CDKAL1: variants seen among roughly 807,000 people sequenced by gnomAD.
CDKAL1 encodes threonylcarbamoyladenosine tRNA methylthiotransferase.
A neutral mutation model predicts 68.2 loss-of-function variants in CDKAL1; 32 were observed. That is an observed-to-expected ratio of 0.47 (90% confidence interval 0.35 to 0.63). The LOEUF is 0.63. CDKAL1 is among the 30% of genes least tolerant of loss of function. The pLI, the probability that CDKAL1 is intolerant of heterozygous loss-of-function variation, is 0.00. For synonymous variants in CDKAL1, 234 were observed against 244.3 expected (o/e 0.96, Z 0.39); for missense variants, 606 against 696.7 (o/e 0.87, Z 1.47).
At chr6:21,130,200 C>CTTGTA in intron 13 of CDKAL1, among the ~76,000 whole-genome samples, 1 of 147,918 alleles carries the variant, frequency 6.8e-6, no homozygotes, top group Non-Finnish European at 1.5e-5. Context: ...TACACTCTGC[C>CTTGTA]TTGTAGCAAA....
intron 5 of CDKAL1, among the ~76,000 whole-genome samples, chr6:20,735,031 G>T (rs1773125577): frequency 6.6e-6 from 1 of 151,890 alleles, no homozygotes; most frequent in Non-Finnish European, 1.5e-5. Context: ...ACCATGCCCG[G>T]CTAATTTTTT....
At chr6:20,693,620 T>G (rs1770971360) in intron 5 of CDKAL1, among the ~76,000 whole-genome samples, 1 of 152,256 alleles carries the variant, frequency 6.6e-6, no homozygotes, top group African/African-American at 2.4e-5. Flanking sequence ...AGCCAATGCC[T>G]AGCACTGCAC....
rs190384333 is a variant in CDKAL1 at position 21,155,680 on chromosome 6, C to T, written c.1300-42341C>T. Among the ~76,000 whole-genome samples, 172 of 152,296 alleles carry T rather than the reference C, an allele frequency of 1.1e-3. 1 individual carries two copies. In the Middle Eastern group the frequency reaches 0.014, roughly 12 times the overall value. ...AATTAGTTGATTCACTTATAAGTCA[C>T]TTTGCAATTTGGTGATTATTCATTA... On this transcript the variant is annotated intron_variant, in intron 13 of 15. Coordinates refer to ENST00000274695, the MANE Select transcript of CDKAL1 (RefSeq NM_017774.3).
intron 5 of CDKAL1, among the ~76,000 whole-genome samples, chr6:20,665,359 C>T (rs1359859126): frequency 3.3e-5 from 5 of 152,046 alleles, no homozygotes; most frequent in South Asian, 2.1e-4. Flanking sequence ...TAATGCAATA[C>T]GTATTTCAAA....
intron 11 of CDKAL1, among the ~76,000 whole-genome samples, chr6:21,045,900 G>T (rs575864085): frequency 3.9e-5 from 6 of 152,212 alleles, no homozygotes; most frequent in African/African-American, 1.4e-4. Flanking sequence ...CTGAGAAAGG[G>T]GGCCTTTTGG....
intron 8 of CDKAL1, among the ~76,000 whole-genome samples, chr6:20,784,412 CTTTT>C (rs1175015329): frequency 1.9e-3 from 65 of 33,464 alleles, no homozygotes; most frequent in African/African-American, 2.9e-3. Context: ...TATTTTATTT[CTTTT>C]TTTTTTTTTT....
chr6:20,835,660 G>C (rs541684692), intron 8 of CDKAL1, among the ~76,000 whole-genome samples: 1 of 152,168 alleles, frequency 6.6e-6, no homozygotes, highest in Admixed American at 6.5e-5. Flanking sequence ...TGATTCTCCT[G>C]CCTCATCTTC....
At chr6:21,032,339 G>A (rs1769338798) in intron 11 of CDKAL1, among the ~76,000 whole-genome samples, 1 of 152,058 alleles carries the variant, frequency 6.6e-6, no homozygotes, top group Non-Finnish European at 1.5e-5. Context: ...ATTACAAAGT[G>A]CTGGGATTAC....
intron 9 of CDKAL1, among the ~76,000 whole-genome samples, chr6:20,910,182 A>G (rs1762404367): frequency 6.6e-6 from 1 of 152,232 alleles, no homozygotes; most frequent in Non-Finnish European, 1.5e-5. Flanking sequence ...TACTGGTTAA[A>G]CATAGCTTTC....
intron 11 of CDKAL1, among the ~76,000 whole-genome samples, chr6:21,009,388 A>G (rs1767896039): frequency 6.6e-6 from 1 of 152,200 alleles, no homozygotes; most frequent in South Asian, 2.1e-4. Context: ...TTCTATAGTC[A>G]ATATCGCCTC....
intron 7 of CDKAL1, among the ~76,000 whole-genome samples, chr6:20,777,877 A>G (rs189405060): frequency 1.3e-5 from 2 of 152,344 alleles, no homozygotes; most frequent in African/African-American, 2.4e-5. Flanking sequence ...TAGAATAATT[A>G]TTACAATACA....
intron 7 of CDKAL1, among the ~76,000 whole-genome samples, chr6:20,777,824 A>G (rs67210925): frequency 0.1 from 15,724 of 152,202 alleles, 876 homozygotes; most frequent in African/African-American, 0.13. Context: ...GTTTTCATTC[A>G]TAAACTAGGC....
intron 9 of CDKAL1, among the ~76,000 whole-genome samples, chr6:20,877,361 A>G (rs1177341338): frequency 1.3e-5 from 2 of 152,222 alleles, no homozygotes; most frequent in East Asian, 3.9e-4. Context: ...TTTTAGCCTA[A>G]TATCTTGAAA....
At chr6:20,753,524 T>G (rs908817534) in intron 6 of CDKAL1, among the ~76,000 whole-genome samples, 5 of 152,202 alleles carry the variant, frequency 3.3e-5, no homozygotes, top group Admixed American at 3.3e-4. Context: ...CTATATCATA[T>G]AGCCTAGTTG....
intron 11 of CDKAL1, among the ~76,000 whole-genome samples, chr6:21,008,459 AATAC>A (rs1767845177): frequency 6.6e-6 from 1 of 152,310 alleles, no homozygotes; most frequent in East Asian, 1.9e-4. Context: ...GCCAAGAGAC[AATAC>A]AGTTGTAGGA....
chr6:20,812,654 G>C (rs536710252), intron 8 of CDKAL1, among the ~76,000 whole-genome samples: 244 of 152,020 alleles, frequency 1.6e-3, no homozygotes, highest in Non-Finnish European at 2.5e-3. Context: ...TATTTTTCTG[G>C]TTTCTTTAAT....
chr6:20,924,891 A>G (rs898005526), intron 9 of CDKAL1, among the ~76,000 whole-genome samples: 3 of 152,248 alleles, frequency 2.0e-5, no homozygotes, highest in Non-Finnish European at 2.9e-5. Flanking sequence ...GCCATCTCGG[A>G]CTTTTGTTTA....
chr6:20,846,391 T>C (rs1778377667), intron 9 of CDKAL1, among the ~76,000 whole-genome samples: 1 of 152,216 alleles, frequency 6.6e-6, no homozygotes, highest in African/African-American at 2.4e-5. Flanking sequence ...TGTTTTCTTA[T>C]CACTCTAAGG....
chr6:21,133,822 T>C (rs557680166), intron 13 of CDKAL1, among the ~76,000 whole-genome samples: 14 of 152,330 alleles, frequency 9.2e-5, no homozygotes, highest in Non-Finnish European at 1.8e-4. Flanking sequence ...TTTATGAAGA[T>C]TGAAGAATTA....
Sources: gnomAD v4.1 joint callset for allele counts (sites outside exome capture counted in the v4.1 genomes callset) on GRCh38, gnomAD v4.1.1 for gene constraint, MANE v1.5 for transcripts, NCBI Gene and HGNC (gene_info 2026-07-23, HGNC 2026-07-21) for gene names.